The following DNAH10 variants were observed in gnomAD, a reference collection of about 807,000 sequenced individuals.
The protein encoded by DNAH10 is axonemal beta dynein heavy chain 10.
Under a neutral mutation model 506.6 loss-of-function variants are expected in DNAH10, and 348 were observed. The ratio of observed to expected loss-of-function variants is 0.69; its 90% CI spans 0.63 to 0.75. DNAH10 has a LOEUF of 0.75. Ranked by LOEUF, DNAH10 falls within the 30% of genes least tolerant of loss-of-function variation. The pLI is 0.00. For synonymous variants in DNAH10, 2,059 were observed against 2,198.6 expected, an observed-to-expected ratio of 0.94 and a Z score of 1.78; for missense variants, 5,179 against 5,787.1, an observed-to-expected ratio of 0.89 and a Z score of 3.41.
Position 123,774,134 on chromosome 12 carries a change from C to T in DNAH10, c.506-15C>T, listed in dbSNP as rs201458799. The T allele has an allele frequency of 9.5e-5, 149 of 1,569,732 alleles. No homozygotes were observed. The highest frequency in any genetic ancestry group is 1.3e-4 in the Non-Finnish European group (145 of 1,152,044). ...TCTCCCACTGACCTTACATTCTACA[C>T]CTGTTCTTCTTTAGAGGCAATCTCT... is the stretch of plus-strand genomic sequence containing the variant. On this transcript the variant is annotated splice_polypyrimidine_tract_variant and intron_variant, in intron 4 of 78. Coordinates refer to ENST00000673944, the MANE Select transcript of DNAH10 (RefSeq NM_001372106.1).
intron 78 of DNAH10, chr12:123,934,968 C>T (rs1566132489): frequency 1.5e-5 from 10 of 687,974 alleles, no homozygotes; most frequent in South Asian, 1.9e-5. Flanking sequence ...GTGTGGATGC[C>T]GGTCCTTCCA....
intron 47 of DNAH10, among the ~76,000 whole-genome samples, chr12:123,876,067 C>T (rs1952243173): frequency 6.6e-6 from 1 of 152,228 alleles, no homozygotes; most frequent in South Asian, 2.1e-4. Flanking sequence ...TTCATTTAAA[C>T]AACCATCTTC....
At chr12:123,783,817 A>G (rs1225192702) in intron 7 of DNAH10, 130 bp from the exon 8 acceptor site, 4 of 787,956 alleles carry the variant, frequency 5.1e-6, no homozygotes, top group Non-Finnish European at 8.2e-6. Context: ...CCCAGGGTCA[A>G]GAGCCCACCC....
rs34822711 is a variant in DNAH10 at position 123,839,662 on chromosome 12, A to ATTT, written c.5136+989_5136+991dup. On this transcript the variant is annotated intron_variant, in intron 29 of 78. Transcript: ENST00000673944. Reference sequence around the variant, plus strand: ...TCATACTTCCTCTATTTTCTTTTCTATTTTTTTTTTTTTTTTTTGAGACAG... The same window carrying ATTT: ...TCATACTTCCTCTATTTTCTTTTCTATTTTTTTTTTTTTTTTTTTTTGAGACAG... 2.7e-3 allele frequency among the ~76,000 whole-genome samples: 306 copies of ATTT among 114,806 alleles called. 12 individuals are homozygous for ATTT. The highest frequency in any genetic ancestry group is 8.6e-3 in the African/African-American group (257 of 29,792). 75.3% of individuals were successfully genotyped at this position (114,806 alleles called of 152,430 possible).
chr12:123,880,817 C>G (rs181180252), intron 50 of DNAH10, among the ~76,000 whole-genome samples: 5 of 109,802 alleles, frequency 4.6e-5, no homozygotes, highest in African/African-American at 1.8e-4. Flanking sequence ...CACCCCACAA[C>G]AGGCCCTGGT....
chr12:123,906,557 G>A (rs1325090457), intron 57 of DNAH10, among the ~76,000 whole-genome samples: 3 of 152,140 alleles, frequency 2.0e-5, no homozygotes, highest in Non-Finnish European at 4.4e-5. Context: ...TGTGGCTTTT[G>A]GATATTGTGT....
In DNAH10 at chr12:123,767,635, G is replaced by A. The variant is rs778161411; in HGVS notation, c.244G>A (p.Glu82Lys). ...DEIPVLSEEG[E>K]EEEETYSQKV... ...GATACCTGTCCTGTCTGAAGAGGGA[G>A]AAGAGGAAGAAGAGACTTATTCTCA... Residue 82 changes from glutamate (E) to lysine (K), a missense_variant, in exon 2 of 79, where the codon GAA becomes AAA. Physicochemically the swap from Glu to Lys is moderately conservative, Grantham distance 56. Transcript: ENST00000673944. 7 of 1,612,852 alleles carry A rather than the reference G, an allele frequency of 4.3e-6. No homozygotes were observed. Among genetic ancestry groups the A allele is most frequent in the Non-Finnish European group, 5.9e-6 (7 of 1,179,360 alleles).
intron 26 of DNAH10, among the ~76,000 whole-genome samples, chr12:123,830,977 T>C (rs578144563): frequency 6.6e-5 from 10 of 152,066 alleles, no homozygotes; most frequent in Non-Finnish European, 1.3e-4. Context: ...AGAAAACATA[T>C]TTGCTCTAGT....
Position 123,830,545 on chromosome 12 carries a change from G to A in DNAH10, c.4392-1G>A, listed in dbSNP as rs1210115958. 1 of 1,612,188 alleles carries A rather than the reference G, an allele frequency of 6.2e-7. No individual in the cohort carries two copies. Among genetic ancestry groups the A allele is most frequent in the Non-Finnish European group, 8.5e-7 (1 of 1,179,170 alleles). ...AGATTTGAATGCTGATGTGCTTTCA[G>A]GCATTGGAAAGAACTTATGGAAAAA... On this transcript the variant is annotated splice_acceptor_variant, in intron 25 of 78. Transcript: ENST00000673944. LOFTEE classifies it high-confidence loss of function.
At chr12:123,899,176 G>A (rs1041870207) in intron 56 of DNAH10, among the ~76,000 whole-genome samples, 2 of 152,204 alleles carry the variant, frequency 1.3e-5, no homozygotes, top group East Asian at 3.9e-4. Context: ...ATCGACGCGG[G>A]ACTTTCTTGG....
intron 30 of DNAH10, among the ~76,000 whole-genome samples, chr12:123,843,368 T>A (rs1950836408): frequency 6.6e-6 from 1 of 152,172 alleles, no homozygotes; most frequent in African/African-American, 2.4e-5. Flanking sequence ...CCTCTCCGTT[T>A]CTGATTCTAG....
intron 51 of DNAH10, among the ~76,000 whole-genome samples, chr12:123,884,699 G>C (rs1952655661): frequency 6.6e-6 from 1 of 151,948 alleles, no homozygotes; most frequent in Non-Finnish European, 1.5e-5. Context: ...AAGGAATTTT[G>C]TGTGTGTGTG....
intron 12 of DNAH10, among the ~76,000 whole-genome samples, chr12:123,796,192 C>T (rs1476686501): frequency 6.6e-6 from 1 of 152,054 alleles, no homozygotes; most frequent in Non-Finnish European, 1.5e-5. Context: ...CTCGGTGGCT[C>T]ACGCCTGTCC....
At chr12:123,889,949 A>G (rs1438378013) in intron 52 of DNAH10, among the ~76,000 whole-genome samples, 1 of 152,134 alleles carries the variant, frequency 6.6e-6, no homozygotes, top group African/African-American at 2.4e-5. Context: ...ATCCTGATGC[A>G]AACTCAGCTG....
In DNAH10 at chr12:123,931,660, G is replaced by A. The variant is rs575334271; in HGVS notation, c.12941G>A (p.Arg4314His). 32 of 1,613,994 alleles carry A rather than the reference G, an allele frequency of 2.0e-5. No homozygotes were observed. The highest frequency in any genetic ancestry group is 6.7e-5 in the African/African-American group (5 of 75,042). The change falls in exon 75 of 79, where the codon CGC (arginine) becomes CAC (histidine). Residue 4314 changes from arginine (R) to histidine (H), a missense_variant. Around this residue, in one of 3 missense-constraint regions of DNAH10, gnomAD observed 4,844 missense variants for 5,430.5 expected, o/e 0.89. Transcript: ENST00000673944. Reference protein sequence around the residue: ...QTGESSSGISRDDYIGQVAKE... With the variant: ...QTGESSSGISHDDYIGQVAKE... ...GGGGAATCCAGCAGTGGTATCAGCC[G>A]CGATGATTATATTGGCCAAGTGGCC...
In DNAH10 at chr12:123,931,835, T is replaced by C. The variant is rs367782176; in HGVS notation, c.13116T>C (p.Ala4372=). 8 of 1,613,908 alleles carry C rather than the reference T, an allele frequency of 5.0e-6. No individual in the cohort carries two copies. The highest frequency in any genetic ancestry group is 5.9e-6 in the Non-Finnish European group (7 of 1,179,890). ...TGGTCCGGATGACGAAGTCTCTGGCTGAACTTCAAAGGGTGAGCCTGTCTC... is the reference window on the plus strand; with the variant it reads ...TGGTCCGGATGACGAAGTCTCTGGCCGAACTTCAAAGGGTGAGCCTGTCTC... ...KLVVRMTKSL[A]ELQRALAGEV... Residue 4372 remains alanine (A), a synonymous_variant, in exon 75 of 79, where the codon GCT becomes GCC. Coordinates refer to ENST00000673944, the MANE Select transcript of DNAH10 (RefSeq NM_001372106.1).
At chr12:123,886,467 T>C (rs182345808) in intron 51 of DNAH10, among the ~76,000 whole-genome samples, 17 of 137,330 alleles carry the variant, frequency 1.2e-4, no homozygotes, top group South Asian at 1.0e-3. Context: ...CCTGGTTGCG[T>C]TGCGCGCGCG....
intron 52 of DNAH10, among the ~76,000 whole-genome samples, chr12:123,889,527 GACA>G (rs1952884728): frequency 1.3e-5 from 2 of 152,082 alleles, no homozygotes; most frequent in South Asian, 2.1e-4. Context: ...ACTGGTTAAC[GACA>G]ACAACAACTA....
intron 77 of DNAH10, chr12:123,934,069 A>G (rs1955350531): frequency 1.8e-6 from 1 of 563,068 alleles, no homozygotes; most frequent in African/African-American, 1.9e-5. Flanking sequence ...ACTTACGGTA[A>G]AGATGCAGGG....
Sources: allele counts gnomAD v4.1 joint callset (sites outside exome capture counted in the v4.1 genomes callset), GRCh38; gene constraint gnomAD v4.1.1; regional missense constraint gnomAD v4.1.1; transcripts MANE v1.5; gene names NCBI Gene and HGNC (gene_info 2026-07-23, HGNC 2026-07-21).